The following PIP4K2A variants were observed in gnomAD, a reference collection of about 807,000 sequenced individuals.
PIP4K2A encodes the protein phosphatidylinositol-5-phosphate 4-kinase type 2 alpha.
In PIP4K2A, 14 loss-of-function variants were observed where a neutral mutation model predicts 42.9. The observed-to-expected ratio is 0.33, with a 90% confidence interval of 0.22 to 0.51. The LOEUF is 0.51. Among genes scored for constraint, PIP4K2A ranks in the 20% least tolerant of loss-of-function variants. The probability of loss-of-function intolerance (pLI) is 0.97; values close to 1 mark genes in which losing one functional copy is unlikely to be tolerated. For missense variants in PIP4K2A, 434 were observed against 519.8 expected (o/e 0.83, Z 1.61); for synonymous variants, 192 against 192.2 (o/e 1.00, Z 0.01).
chr10:22,634,381 C>T (rs1012109873), intron 1 of PIP4K2A, among the ~76,000 whole-genome samples: 1 of 152,164 alleles, frequency 6.6e-6, no homozygotes, highest in Non-Finnish European at 1.5e-5. Flanking sequence ...TTTCCTTTAG[C>T]GGTTACAGAT....
chr10:22,584,795 C>T (rs954291734), intron 4 of PIP4K2A, among the ~76,000 whole-genome samples: 5 of 152,186 alleles, frequency 3.3e-5, no homozygotes, highest in Non-Finnish European at 5.9e-5. Flanking sequence ...TGTGTTTAGT[C>T]TCATAATCTG....
At chr10:22,657,609 A>G (rs1839127744) in intron 1 of PIP4K2A, among the ~76,000 whole-genome samples, 1 of 152,260 alleles carries the variant, frequency 6.6e-6, no homozygotes, top group African/African-American at 2.4e-5. Context: ...TTTAGATTCT[A>G]CAATGGTAAA....
intron 1 of PIP4K2A, among the ~76,000 whole-genome samples, chr10:22,708,184 C>G (rs1833854479): frequency 6.6e-6 from 1 of 152,218 alleles, no homozygotes; most frequent in Admixed American, 6.5e-5. Flanking sequence ...GGAATTGCCT[C>G]TACTTCCACT....
chr10:22,675,988 C>T (rs1839549708), intron 1 of PIP4K2A, among the ~76,000 whole-genome samples: 1 of 152,212 alleles, frequency 6.6e-6, no homozygotes, highest in South Asian at 2.1e-4. Context: ...GGGAAACAGA[C>T]ACACTGTTGC....
chr10:22,546,837 C>A (rs1246800931), intron 7 of PIP4K2A, among the ~76,000 whole-genome samples: 2 of 152,104 alleles, frequency 1.3e-5, no homozygotes, highest in Non-Finnish European at 2.9e-5. Context: ...GGCTTCACTG[C>A]GGGGTCTGCT....
intron 1 of PIP4K2A, among the ~76,000 whole-genome samples, chr10:22,671,081 T>C (rs1162053032): frequency 1.3e-5 from 2 of 152,138 alleles, no homozygotes; most frequent in South Asian, 2.1e-4. Context: ...TCATGTTTCT[T>C]AGTGAAAAGC....
rs759891217 is a variant in PIP4K2A, at chr10:22,610,830, C to T, written c.145-1113G>A. ...GAAGCCTTTGAAAGTGGCCCCAACACCTGGTGGAAGTAAATGTAAATGATC... is the reference window on the plus strand; with the variant it reads ...GAAGCCTTTGAAAGTGGCCCCAACATCTGGTGGAAGTAAATGTAAATGATC... On this transcript the variant is annotated intron_variant, in intron 1 of 9. Transcript: ENST00000376573. Among the ~76,000 whole-genome samples, 44 of 152,176 alleles carry T rather than the reference C, an allele frequency of 2.9e-4. 1 individual carries two copies. The highest frequency in any genetic ancestry group is 6.2e-4 in the South Asian group (3 of 4,830).
At chr10:22,697,536 C>G (rs745811186) in intron 1 of PIP4K2A, among the ~76,000 whole-genome samples, 2 of 152,074 alleles carry the variant, frequency 1.3e-5, no homozygotes, top group Non-Finnish European at 2.9e-5. Flanking sequence ...CTAGGCAACA[C>G]AGCAAGACCC....
At chr10:22,586,255 T>C (rs1536335) in intron 4 of PIP4K2A, among the ~76,000 whole-genome samples, 151,774 of 152,338 alleles carry the variant, frequency 1, 75,607 homozygotes, top group Middle Eastern at 1. Context: ...ATGATGCTCT[T>C]CTTTCTTTGC....
chr10:22,675,302 G>C (rs1230719564), intron 1 of PIP4K2A, among the ~76,000 whole-genome samples: 2 of 152,016 alleles, frequency 1.3e-5, no homozygotes, highest in African/African-American at 4.8e-5. Flanking sequence ...CATTGTTGAG[G>C]AGAAGCCAGG....
intron 1 of PIP4K2A, among the ~76,000 whole-genome samples, chr10:22,626,786 A>G (rs979433707): frequency 1.3e-5 from 2 of 152,258 alleles, no homozygotes; most frequent in African/African-American, 2.4e-5. Flanking sequence ...ATTTAGACGC[A>G]TGTATACTCA....
At chr10:22,589,041 A>G (rs1335574620) in intron 4 of PIP4K2A, among the ~76,000 whole-genome samples, 1 of 152,196 alleles carries the variant, frequency 6.6e-6, no homozygotes, top group Non-Finnish European at 1.5e-5. Context: ...CCCAGAGAAA[A>G]CATTTCAAAT....
chr10:22,579,680 T>C (rs1285186524), intron 4 of PIP4K2A, among the ~76,000 whole-genome samples: 1 of 150,426 alleles, frequency 6.6e-6, no homozygotes, highest in African/African-American at 2.4e-5. Flanking sequence ...CAGGGGAGGG[T>C]GGATTACTTG....
At chr10:22,705,689 C>CA (rs1378426956) in intron 1 of PIP4K2A, among the ~76,000 whole-genome samples, 1 of 152,030 alleles carries the variant, frequency 6.6e-6, no homozygotes, top group Non-Finnish European at 1.5e-5. Flanking sequence ...AGCAGGTCTG[C>CA]AGAGGCCCAA....
intron 1 of PIP4K2A, among the ~76,000 whole-genome samples, chr10:22,671,355 C>G (rs1406283499): frequency 6.6e-6 from 1 of 152,126 alleles, no homozygotes; most frequent in Non-Finnish European, 1.5e-5. Context: ...GGAGAGAGTA[C>G]ACCTGATGAA....
chr10:22,691,684 C>G (rs1839871854), intron 1 of PIP4K2A: 1 of 152,190 alleles, frequency 6.6e-6, no homozygotes, highest in African/African-American at 2.4e-5. Context: ...GTGTAAGCTC[C>G]TCACTACAAG....
At chr10:22,599,947 C>T (rs960702948) in intron 3 of PIP4K2A, among the ~76,000 whole-genome samples, 2 of 152,148 alleles carry the variant, frequency 1.3e-5, no homozygotes, top group Non-Finnish European at 2.9e-5. Flanking sequence ...CTGTCCTTTC[C>T]CCCTTCCTCT....
chr10:22,564,803 A>G lies in PIP4K2A; in HGVS notation c.678+3048T>C, dbSNP rs553018000. Among the ~76,000 whole-genome samples, 33 of 152,332 alleles carry G rather than the reference A, an allele frequency of 2.2e-4. No homozygotes were observed. In the South Asian group the frequency reaches 5.0e-3, roughly 23 times the overall value. On this transcript the variant is annotated intron_variant, in intron 6 of 9. Transcript: ENST00000376573. ...TCTTCTCTCCTCCTTACCTGCTGCA[A>G]TCTGGCTTTGGTCCCCACTCGCCCT...
intron 1 of PIP4K2A, among the ~76,000 whole-genome samples, chr10:22,642,342 G>A (rs1164525729): frequency 1.3e-5 from 2 of 152,052 alleles, no homozygotes; most frequent in African/African-American, 4.8e-5. Context: ...TGTGGTTTGA[G>A]GCAAACCAAT....
Sources: gnomAD v4.1 joint callset for allele counts (sites outside exome capture counted in the v4.1 genomes callset) on GRCh38, gnomAD v4.1.1 for gene constraint, MANE v1.5 for transcripts, NCBI Gene and HGNC (gene_info 2026-07-23, HGNC 2026-07-21) for gene names.